TMEM171: variants seen among roughly 807,000 people sequenced by gnomAD.
TMEM171 encodes the protein proline-rich protein PRP2.
In TMEM171, 16 loss-of-function variants were observed where a neutral mutation model predicts 19.1. The observed-to-expected ratio is 0.84, with a 90% CI of 0.57 to 1.27. The LOEUF (loss-of-function observed/expected upper bound fraction) is 1.27, where lower values mean the gene tolerates loss of function less well. Ranked by LOEUF, TMEM171 falls within the 50% of genes most tolerant of loss-of-function variation. TMEM171 has a pLI of 0.00. For missense variants in TMEM171, 429 were observed against 412.7 expected (o/e 1.04, Z -0.34); for synonymous variants, 153 against 163.4 (o/e 0.94, Z 0.48).
chr5:73,123,499 T>C lies in TMEM171; in HGVS notation c.126T>C (p.Phe42=), dbSNP rs552347463. ...LLCVGVLLSI[F]GFQACQYKPL... Reference sequence around the variant, plus strand: ...GTGTGGGAGTCCTGCTCTCCATCTTTGGGTTCCAGGCATGCCAATATAAGC... The same window carrying C: ...GTGTGGGAGTCCTGCTCTCCATCTTCGGGTTCCAGGCATGCCAATATAAGC... Residue 42 remains phenylalanine, a synonymous_variant, in exon 2 of 4, where the codon TTT becomes TTC. Transcript: ENST00000454765. 3 of 1,614,218 alleles carry C rather than the reference T, an allele frequency of 1.9e-6. No individual in the cohort carries two copies. The highest frequency in any genetic ancestry group is 2.5e-6 in the Non-Finnish European group (3 of 1,180,028).
chr5:73,129,492 T>C (rs1744274764), intron 3 of TMEM171, among the ~76,000 whole-genome samples: 1 of 152,172 alleles, frequency 6.6e-6, no homozygotes, highest in East Asian at 1.9e-4. Flanking sequence ...GGTGGAAAGT[T>C]AGGGTTTTCC....
At chr5:73,131,242 T>G (rs1321360378) in intron 3 of TMEM171, among the ~76,000 whole-genome samples, 1 of 152,026 alleles carries the variant, frequency 6.6e-6, no homozygotes, top group African/African-American at 2.4e-5. Context: ...TGTGTGTGTG[T>G]GTGTGTCTAT....
At position 73,131,722 on chromosome 5, in the gene TMEM171, C is replaced by G; in HGVS notation, c.967C>G (p.Pro323Ala). 1 of 1,607,656 alleles carries G rather than the reference C, an allele frequency of 6.2e-7. No individual in the cohort carries two copies. The highest frequency in any genetic ancestry group is 1.3e-5 in the African/African-American group (1 of 74,620). ...TFLPLSSEPS[P>A]P ...CTTGCCTCTATCTTCTGAGCCTTCC[C>G]CACCGTAAACTATGGACTCTAGTTC... The change falls in exon 4 of 4, where the codon CCA becomes GCA. Residue 323 changes from proline (P) to alanine (A), a missense_variant. Pro to Ala is a conservative substitution (Grantham distance 27). Transcript: ENST00000454765.
chr5:73,121,409 CA>C (rs967802282), intron 1 of TMEM171, among the ~76,000 whole-genome samples: 74 of 152,220 alleles, frequency 4.9e-4, no homozygotes, highest in African/African-American at 1.7e-3. Flanking sequence ...ACAACAATAA[CA>C]AAAAACCAAT....
At chr5:73,126,833 G>A (rs1326495998) in intron 2 of TMEM171, among the ~76,000 whole-genome samples, 3 of 152,156 alleles carry the variant, frequency 2.0e-5, no homozygotes, top group Admixed American at 2.0e-4. Flanking sequence ...TATTGCTATT[G>A]CCAGCTTCTC....
In TMEM171 at chr5:73,123,812, G is replaced by C. The variant is rs1343596947; in HGVS notation, c.439G>C (p.Glu147Gln). ...CAACTGGGCGCAGGAACCGCTAAACGAGACAGACACTGGCGACTCAGAGCC... is the reference window on the plus strand; with the variant it reads ...CAACTGGGCGCAGGAACCGCTAAACCAGACAGACACTGGCGACTCAGAGCC... Reference protein sequence around the residue: ...GSNWAQEPLNETDTGDSEPRM... With the variant: ...GSNWAQEPLNQTDTGDSEPRM... The change falls in exon 2 of 4, where the codon GAG becomes CAG. Residue 147 changes from glutamate (E) to glutamine (Q), a missense_variant. Transcript: ENST00000454765. The C allele has an allele frequency of 6.2e-7, 1 of 1,612,720 alleles. No homozygotes were observed. The highest frequency in any genetic ancestry group is 8.5e-7 in the Non-Finnish European group (1 of 1,179,106).
rs150115532 is a variant in TMEM171, at chr5:73,128,490, G to T, written c.741G>T (p.Pro247=). The T allele has an allele frequency of 6.2e-7, 1 of 1,613,868 alleles. No homozygotes were observed. Among genetic ancestry groups the T allele is most frequent in the Non-Finnish European group, 8.5e-7 (1 of 1,180,022 alleles). ...AESPGTNSLL[P]NENPPSYYSI... ...GTCCTGGAACTAACAGTCTGCTTCC[G>T]AATGAAAACCCCCCTTCATATTACA... is the stretch of plus-strand genomic sequence containing the variant. Residue 247 remains proline, a synonymous_variant, in exon 3 of 4, where the codon CCG becomes CCT. Transcript: ENST00000454765.
rs974787907 is a variant in TMEM171 at position 73,128,599 on chromosome 5, G to A, written c.782+68G>A. ...GCCACACTAGTATTAAGGCTGTGTG[G>A]TTCACCAGGAGGCATTCAAGTGTGA... On this transcript the variant is annotated intron_variant, in intron 3 of 3. Transcript: ENST00000454765. 1.9e-6 allele frequency: 3 copies of A among 1,564,164 alleles called. No individual in the cohort carries two copies. In the African/African-American group the frequency reaches 4.1e-5, roughly 21 times the overall value.
At chr5:73,127,816 C>T (rs1375460179) in intron 2 of TMEM171, among the ~76,000 whole-genome samples, 1 of 151,700 alleles carries the variant, frequency 6.6e-6, no homozygotes, top group African/African-American at 2.4e-5. Context: ...TCATAGTTCA[C>T]TGCAGCCTAG....
rs111979069 is a variant in TMEM171 at position 73,124,150 on chromosome 5, A to G, written c.640+137A>G. 1.3e-4 allele frequency: 92 copies of G among 729,174 alleles called. 1 individual carries two copies. The highest frequency in any genetic ancestry group is 1.1e-3 in the African/African-American group (62 of 55,862). The allele number at this position is 729,174 out of a possible 1,614,324, so 45.2% of individuals were successfully genotyped here. A position where few individuals can be genotyped will look rare whatever the true frequency, so the allele number is the denominator to read the frequency against. On this transcript the variant is annotated intron_variant, in intron 2 of 3. Coordinates refer to ENST00000454765, the MANE Select transcript of TMEM171 (RefSeq NM_173490.8). ...CACACATGTGTGTGCACACGCACAC[A>G]CCCCCATCATGTGTACATACACAAT...
intron 2 of TMEM171, among the ~76,000 whole-genome samples, chr5:73,126,789 T>C (rs546572671): frequency 3.6e-4 from 55 of 152,298 alleles, no homozygotes; most frequent in Non-Finnish European, 4.4e-4. Flanking sequence ...TACAGGGAAG[T>C]AAAGCCCCAT....
At position 73,131,779 on chromosome 5, in the gene TMEM171, TA is replaced by T; in HGVS notation, c.*51del. 1.4e-6 allele frequency: 2 copies of T among 1,444,878 alleles called. No individual in the cohort carries two copies. Among genetic ancestry groups the T allele is most frequent in the South Asian group, 3.1e-5 (2 of 64,700 alleles). The allele number at this position is 1,444,878 out of a possible 1,614,324, so 89.5% of individuals were successfully genotyped here. On this transcript the variant is annotated 3_prime_UTR_variant, in exon 4 of 4. Transcript: ENST00000454765. ...ATATGCAATGGATCACTATTTTATTTAATTTTTTTTAAATAAAAAATACAAT... is the reference window on the plus strand; with the variant it reads ...ATATGCAATGGATCACTATTTTATTTATTTTTTTTAAATAAAAAATACAAT...
At chr5:73,131,368 G>A (rs1452327001) in intron 3 of TMEM171, among the ~76,000 whole-genome samples, 170 bp from the exon 4 acceptor site, 1 of 152,096 alleles carries the variant, frequency 6.6e-6, no homozygotes, top group Non-Finnish European at 1.5e-5. Flanking sequence ...AAAGGAAGAG[G>A]TAAGAAATCA....
In TMEM171 at chr5:73,123,731, T is replaced by C. The variant is rs1744073971; in HGVS notation, c.358T>C (p.Leu120=). ...GTGCCTTATCTTTGGGTTTCTGTTC[T>C]TGACAAGCGGCATGCTCATCAGCGT... ...AQCLIFGFLF[L]TSGMLISVLG... Residue 120 remains leucine, a synonymous_variant, in exon 2 of 4, where the codon TTG becomes CTG. Coordinates refer to ENST00000454765, the MANE Select transcript of TMEM171 (RefSeq NM_173490.8). 6.2e-7 allele frequency: 1 copy of C among 1,614,190 alleles called. No individual in the cohort carries two copies. The highest frequency in any genetic ancestry group is 8.5e-7 in the Non-Finnish European group (1 of 1,180,030).
chr5:73,124,637 G>A (rs1411921372), intron 2 of TMEM171, among the ~76,000 whole-genome samples: 1 of 152,068 alleles, frequency 6.6e-6, no homozygotes, highest in Non-Finnish European at 1.5e-5. Context: ...TTCTTTTTTT[G>A]TGACATCATC....
chr5:73,120,645 C>G lies in TMEM171; in HGVS notation c.-120C>G. ...CCGCGTGCGGAGGCGGACGCCGCGCCCAGCCAGTGCCCACAGCAGCGCGGT... is the reference window on the plus strand; with the variant it reads ...CCGCGTGCGGAGGCGGACGCCGCGCGCAGCCAGTGCCCACAGCAGCGCGGT... On this transcript the variant is annotated 5_prime_UTR_variant, in exon 1 of 4. Transcript: ENST00000454765. The G allele has an allele frequency of 2.0e-6, 2 of 984,724 alleles. No homozygotes were observed. The highest frequency in any genetic ancestry group is 2.4e-6 in the Non-Finnish European group (2 of 829,792). The allele number at this position is 984,724 out of a possible 1,614,324, so 61.0% of individuals were successfully genotyped here. A position where few individuals can be genotyped will look rare whatever the true frequency, so the allele number is the denominator to read the frequency against.
intron 2 of TMEM171, among the ~76,000 whole-genome samples, chr5:73,124,255 T>C (rs999393864): frequency 6.6e-6 from 1 of 152,098 alleles, no homozygotes; most frequent in Non-Finnish European, 1.5e-5. Context: ...TTGCAAAGCA[T>C]TGGGATATTA....
rs753416323 is a variant in TMEM171 at position 73,131,495 on chromosome 5, G to C, written c.783-43G>C. 13 of 1,503,822 alleles carry C rather than the reference G, an allele frequency of 8.6e-6. No individual in the cohort carries two copies. The Admixed American group carries it at 1.9e-4, about 22-fold the overall frequency. The allele number at this position is 1,503,822 out of a possible 1,614,324, so 93.2% of individuals were successfully genotyped here. A position where few individuals can be genotyped will look rare whatever the true frequency, so the allele number is the denominator to read the frequency against. ...AACCTAGTACTAAAGGGGTGTCACT[G>C]TTTTCATCCCCTCCCCTTCATGTTC... On this transcript the variant is annotated intron_variant, in intron 3 of 3. Transcript: ENST00000454765.
In TMEM171 at chr5:73,123,311, C is replaced by T. The variant is rs886176927; in HGVS notation, c.-63C>T. Reference sequence around the variant, plus strand: ...GTGTTTGGTTGTGTTTGCAGAGCTGCTGAAATCTTGGAGGGAAGAAAACAC... The same window carrying T: ...GTGTTTGGTTGTGTTTGCAGAGCTGTTGAAATCTTGGAGGGAAGAAAACAC... On this transcript the variant is annotated 5_prime_UTR_variant, in exon 2 of 4. Transcript: ENST00000454765. The T allele has an allele frequency of 1.7e-5, 26 of 1,539,794 alleles. No homozygotes were observed. The African/African-American group carries it at 2.9e-4, about 17-fold the overall frequency.
Sources: gnomAD v4.1 joint callset for allele counts (sites outside exome capture counted in the v4.1 genomes callset) on GRCh38, gnomAD v4.1.1 for gene constraint, MANE v1.5 for transcripts, NCBI Gene and HGNC (gene_info 2026-07-23, HGNC 2026-07-21) for gene names.